The following AHCTF1 variants were observed in gnomAD, a reference collection of about 807,000 sequenced individuals.
AHCTF1 encodes the protein AT-hook containing transcription factor 1.
In AHCTF1, 24 loss-of-function variants were observed where a neutral mutation model predicts 248.4. That is an observed-to-expected ratio of 0.10 (90% CI 0.07 to 0.14). The LOEUF (loss-of-function observed/expected upper bound fraction) is 0.14, where lower values mean the gene tolerates loss of function less well. Among genes scored for constraint, AHCTF1 ranks in the 10% least tolerant of loss-of-function variants. AHCTF1 has a pLI of 1.00. For synonymous variants in AHCTF1, 786 were observed against 929.8 expected (o/e 0.85, Z 2.81); for missense variants, 2,206 against 2,636.2 (o/e 0.84, Z 3.57).
chr1:246,902,451 A>G, intron 8 of AHCTF1, 74 bp downstream of exon 8: 1 of 1,526,386 alleles, frequency 6.6e-7, no homozygotes, highest in Non-Finnish European at 8.9e-7. Flanking sequence ...AGGAGTATGA[A>G]ATCTAGAAAA....
intron 10 of AHCTF1, 134 bp from the exon 11 acceptor site, chr1:246,899,646 T>C: frequency 1.6e-6 from 1 of 625,570 alleles, no homozygotes; most frequent in Non-Finnish European, 2.6e-6. Context: ...AATAAACTTT[T>C]CTAGGTATTT....
chr1:246,867,219 TA>T, intron 26 of AHCTF1, 24 bp downstream of exon 26: 1 of 1,338,602 alleles, frequency 7.5e-7, no homozygotes, highest in Non-Finnish European at 1.0e-6. Context: ...ATTGTGTCTC[TA>T]AGAATGATTT....
chr1:246,861,435 C>G, intron 28 of AHCTF1, 140 bp from the exon 29 acceptor site: 1 of 833,344 alleles, frequency 1.2e-6, no homozygotes, highest in Non-Finnish European at 1.8e-6. Flanking sequence ...TTCATTTATT[C>G]TAAATCCATT....
intron 20 of AHCTF1, among the ~76,000 whole-genome samples, chr1:246,886,726 C>T (rs2103128275): frequency 6.6e-6 from 1 of 152,288 alleles, no homozygotes; most frequent in East Asian, 1.9e-4. Flanking sequence ...ATATAAGAGA[C>T]ATGAGCCTCT....
intron 21 of AHCTF1, among the ~76,000 whole-genome samples, chr1:246,880,567 CAAAA>C (rs370055569): frequency 1.8e-5 from 1 of 54,506 alleles, no homozygotes. Context: ...GACTCCAGCT[CAAAA>C]AAAAAAAAAA....
intron 24 of AHCTF1, among the ~76,000 whole-genome samples, chr1:246,875,133 G>A (rs1363589999): frequency 1.3e-5 from 2 of 152,062 alleles, no homozygotes; most frequent in Admixed American, 1.3e-4. Flanking sequence ...CATGACATGC[G>A]ACCTATATAC....
chr1:246,903,928 C>A, intron 7 of AHCTF1, 21 bp downstream of exon 7: 1 of 1,561,650 alleles, frequency 6.4e-7, no homozygotes, highest in South Asian at 1.1e-5. Flanking sequence ...AATATAAACC[C>A]ATAGTCCAAT....
In AHCTF1 at chr1:246,850,506, G is replaced by C; in HGVS notation, c.5500C>G (p.Gln1834Glu). ...TTTGATTCCCTACCTGTAGTGATCT[G>C]TAATTCTTGTTCCACAGAACTGGTG... ...ENTSSVEQEL[Q>E]ITTGRESKRL... The change falls in exon 33 of 36, where the codon CAG becomes GAG. Residue 1834 changes from glutamine (Q) to glutamate (E), a missense_variant. By Grantham distance (29) the Gln-to-Glu change is conservative. This residue lies in a region of AHCTF1 where 29 missense variants were observed against 57.1 expected (regional missense o/e 0.51). Coordinates refer to ENST00000648844, the MANE Select transcript of AHCTF1 (RefSeq NM_001323342.2). 1.2e-6 allele frequency: 2 copies of C among 1,601,242 alleles called. No homozygotes were observed. The highest frequency in any genetic ancestry group is 1.7e-6 in the Non-Finnish European group (2 of 1,174,240).
chr1:246,898,156 G>C, intron 12 of AHCTF1, 52 bp downstream of exon 12: 1 of 1,603,382 alleles, frequency 6.2e-7, no homozygotes, highest in Non-Finnish European at 8.5e-7. Context: ...GTAATAGAAA[G>C]CTAATAACGT....
At chr1:246,872,471 T>C (rs969090733) in intron 24 of AHCTF1, among the ~76,000 whole-genome samples, 1 of 152,214 alleles carries the variant, frequency 6.6e-6, no homozygotes, top group African/African-American at 2.4e-5. Flanking sequence ...AGACATCATC[T>C]TGAGGTTCTG....
Position 246,888,502 on chromosome 1 carries a change from G to C in AHCTF1, c.2160C>G (p.Pro720=), listed in dbSNP as rs749543190. The change falls in exon 18 of 36, where the codon CCC becomes CCG. Residue 720 remains proline (P), a synonymous_variant. Transcript: ENST00000648844. ...FERLSRGKWN[P]DCLMIDGLVS... is the part of the protein sequence containing the mutation. ...CCAGTCCATCAATCATCAAGCAATC[G>C]GGATTCCACTTCCCTCTGCAATCAG... 2 of 1,613,814 alleles carry C rather than the reference G, an allele frequency of 1.2e-6. No individual in the cohort carries two copies. Among genetic ancestry groups the C allele is most frequent in the Admixed American group, 3.3e-5 (2 of 59,986 alleles).
chr1:246,931,160 C>G (rs1017944410), intron 1 of AHCTF1: 4 of 1,550,222 alleles, frequency 2.6e-6, no homozygotes, highest in Non-Finnish European at 2.6e-6. Context: ...GTGGAACACA[C>G]GCCAACACAG....
chr1:246,929,037 C>T (rs1667141480), intron 1 of AHCTF1, among the ~76,000 whole-genome samples: 1 of 152,106 alleles, frequency 6.6e-6, no homozygotes, highest in Admixed American at 6.5e-5. Context: ...GAGTATCAGA[C>T]ACAAAGAATA....
chr1:246,916,164 T>C lies in AHCTF1; in HGVS notation c.353A>G (p.Lys118Arg). ...TACCCTTCCAGGAAGAACAACTGCT[T>C]TAACTACTTTTGATATTCCAAGGTC... ...LYDLGISKVV[K>R]AVVLPGRVTA... Residue 118 changes from lysine to arginine, a missense_variant, in exon 3 of 36, where the codon AAA (lysine) becomes AGA (arginine). Physicochemically the swap from Lys to Arg is conservative, Grantham distance 26 (BLOSUM62 2). Around this residue, in one of 6 missense-constraint regions of AHCTF1, gnomAD observed 34 missense variants for 97.2 expected, o/e 0.35. Coordinates refer to ENST00000648844, the MANE Select transcript of AHCTF1 (RefSeq NM_001323342.2). 6.2e-7 allele frequency: 1 copy of C among 1,613,010 alleles called. No individual in the cohort carries two copies. Among genetic ancestry groups the C allele is most frequent in the African/African-American group, 1.3e-5 (1 of 75,020 alleles).
intron 24 of AHCTF1, among the ~76,000 whole-genome samples, chr1:246,872,387 T>A (rs1662660543): frequency 6.6e-6 from 1 of 152,044 alleles, no homozygotes; most frequent in African/African-American, 2.4e-5. Context: ...GTAGACACCT[T>A]TACTGGCTAA....
chr1:246,850,182 C>T lies in AHCTF1; in HGVS notation c.5824G>A (p.Glu1942Lys), dbSNP rs1392480043. ...TCTCTCACATCTGATGGACTAACTT[C>T]TCTCCCTCTGACCCTTCTAACATGT... ...IKHVRRVRGR[E>K]VSPSDVREDS... Residue 1942 changes from glutamate to lysine, a missense_variant, in exon 33 of 36, where the codon GAA becomes AAA. By Grantham distance (56) the Glu-to-Lys change is moderately conservative (BLOSUM62 1). This residue lies in a region of AHCTF1 where 469 missense variants were observed against 470.0 expected (regional missense o/e 1.00). Transcript: ENST00000648844. 3.1e-6 allele frequency: 5 copies of T among 1,610,988 alleles called. No homozygotes were observed. Among genetic ancestry groups the T allele is most frequent in the Non-Finnish European group, 4.2e-6 (5 of 1,177,202 alleles).
At chr1:246,868,072 C>T (rs937830043) in intron 24 of AHCTF1, among the ~76,000 whole-genome samples, 1 of 151,898 alleles carries the variant, frequency 6.6e-6, no homozygotes, top group East Asian at 1.9e-4. Context: ...AAGCGATTCT[C>T]CTGCCTCAGC....
At chr1:246,842,457 C>T (rs908785819) in intron 35 of AHCTF1, among the ~76,000 whole-genome samples, 4 of 151,980 alleles carry the variant, frequency 2.6e-5, no homozygotes, top group Non-Finnish European at 5.9e-5. Flanking sequence ...TGGTGGGCAC[C>T]TGTAGTCCCA....
At chr1:246,863,824 C>T (rs948558481) in intron 27 of AHCTF1, 100 bp downstream of exon 27, 19 of 1,208,110 alleles carry the variant, frequency 1.6e-5, no homozygotes, top group Non-Finnish European at 2.3e-5. Flanking sequence ...CCCAGCACTC[C>T]CCAAGCGTAT....
Sources: allele counts gnomAD v4.1 joint callset (sites outside exome capture counted in the v4.1 genomes callset), GRCh38; gene constraint gnomAD v4.1.1; regional missense constraint gnomAD v4.1.1; transcripts MANE v1.5; gene names NCBI Gene and HGNC (gene_info 2026-07-23, HGNC 2026-07-21).